Variants in HS6ST3 observed in about 807,000 individuals in gnomAD.
The protein encoded by HS6ST3 is heparan-sulfate 6-O-sulfotransferase 3.
Under a neutral mutation model 36.7 loss-of-function variants are expected in HS6ST3, and 12 were observed. The observed-to-expected ratio is 0.33, with a 90% CI of 0.21 to 0.53. HS6ST3 has a LOEUF of 0.53. Among genes scored for constraint, HS6ST3 ranks in the 20% least tolerant of loss-of-function variants. HS6ST3 has a pLI of 0.95. For missense variants in HS6ST3, 584 were observed against 640.9 expected (o/e 0.91, Z 0.96); for synonymous variants, 240 against 257.5 (o/e 0.93, Z 0.65).
intron 1 of HS6ST3, among the ~76,000 whole-genome samples, chr13:96,097,293 A>T (rs539293): frequency 0.87 from 131,712 of 152,128 alleles, 57,191 homozygotes; most frequent in Non-Finnish European, 0.89. Flanking sequence ...TCTTATATTA[A>T]TATTCCCCAA....
chr13:96,774,850 C>G (rs970667806), intron 1 of HS6ST3, among the ~76,000 whole-genome samples: 4 of 152,108 alleles, frequency 2.6e-5, no homozygotes, highest in African/African-American at 9.7e-5. Context: ...AGATACTCCT[C>G]AAGAAGAGCA....
intron 1 of HS6ST3, among the ~76,000 whole-genome samples, chr13:96,529,881 T>C (rs2056128840): frequency 6.6e-6 from 1 of 152,178 alleles, no homozygotes. Flanking sequence ...ATTTCTCCTC[T>C]CCATTATTCT....
chr13:96,208,272 T>G (rs1033465417), intron 1 of HS6ST3, among the ~76,000 whole-genome samples: 10 of 152,304 alleles, frequency 6.6e-5, no homozygotes, highest in African/African-American at 2.4e-4. Flanking sequence ...AAAATTATTC[T>G]TTTAATGATT....
intron 1 of HS6ST3, among the ~76,000 whole-genome samples, chr13:96,344,258 A>AT (rs5805962): frequency 0.37 from 56,614 of 152,010 alleles, 10,974 homozygotes; most frequent in African/African-American, 0.46. Flanking sequence ...TTGTCTAATT[A>AT]TTCAATAATC....
intron 1 of HS6ST3, among the ~76,000 whole-genome samples, chr13:96,505,459 A>C (rs554320786): frequency 1.3e-5 from 2 of 152,116 alleles, no homozygotes; most frequent in South Asian, 2.1e-4. Context: ...AGTGTTGCCT[A>C]GTTTGTGCCT....
intron 1 of HS6ST3, among the ~76,000 whole-genome samples, chr13:96,378,235 C>T (rs561786398): frequency 2.0e-5 from 3 of 152,278 alleles, no homozygotes; most frequent in South Asian, 2.1e-4. Context: ...GTATCCCCAC[C>T]TTCTTCAGTC....
At chr13:96,377,822 A>G (rs2055322305) in intron 1 of HS6ST3, among the ~76,000 whole-genome samples, 1 of 152,200 alleles carries the variant, frequency 6.6e-6, no homozygotes, top group African/African-American at 2.4e-5. Context: ...TCGGGTATAT[A>G]AAATAACTTG....
intron 1 of HS6ST3, among the ~76,000 whole-genome samples, chr13:96,207,064 G>A (rs975577362): frequency 6.6e-6 from 1 of 151,784 alleles, no homozygotes; most frequent in Non-Finnish European, 1.5e-5. Context: ...ATCCATCTGA[G>A]GTCTAATATC....
At chr13:96,351,673 T>A (rs774880155) in intron 1 of HS6ST3, among the ~76,000 whole-genome samples, 2 of 152,182 alleles carry the variant, frequency 1.3e-5, no homozygotes, top group Non-Finnish European at 2.9e-5. Flanking sequence ...TGATGAATAC[T>A]GATGGTCTAT....
chr13:96,306,549 C>G (rs767896345), intron 1 of HS6ST3, among the ~76,000 whole-genome samples: 5 of 152,072 alleles, frequency 3.3e-5, no homozygotes, highest in Non-Finnish European at 5.9e-5. Flanking sequence ...TTCAGATGGC[C>G]TGTATGAAGG....
chr13:96,364,088 A>G (rs2055251948), intron 1 of HS6ST3, among the ~76,000 whole-genome samples: 1 of 152,186 alleles, frequency 6.6e-6, no homozygotes, highest in African/African-American at 2.4e-5. Context: ...TACTGGAAGC[A>G]CACCCATTTA....
In HS6ST3 at chr13:96,759,423, C is replaced by T. The variant is rs536312960; in HGVS notation, c.708-73067C>T. Among the ~76,000 whole-genome samples, 4 of 151,766 alleles carry T rather than the reference C, an allele frequency of 2.6e-5. No individual in the cohort carries two copies. The East Asian group carries it at 7.7e-4, about 29-fold the overall frequency. ...TTAAAATTTTAGTTTTATCTAATGGCTTTTTATGTATACCTTTTGTGTGTT... is the reference window on the plus strand; with the variant it reads ...TTAAAATTTTAGTTTTATCTAATGGTTTTTTATGTATACCTTTTGTGTGTT... On this transcript the variant is annotated intron_variant, in intron 1 of 1. Transcript: ENST00000376705.
At chr13:96,202,688 T>G (rs1332743136) in intron 1 of HS6ST3, among the ~76,000 whole-genome samples, 1 of 152,154 alleles carries the variant, frequency 6.6e-6, no homozygotes, top group Non-Finnish European at 1.5e-5. Context: ...CTCTCAAGGA[T>G]TTTTCACCTC....
chr13:96,499,598 G>A (rs531176634), intron 1 of HS6ST3, among the ~76,000 whole-genome samples: 5 of 152,072 alleles, frequency 3.3e-5, no homozygotes, highest in East Asian at 1.9e-4. Flanking sequence ...TGAGGAAAGC[G>A]ACATGTGAGG....
intron 1 of HS6ST3, among the ~76,000 whole-genome samples, chr13:96,279,006 A>G (rs1340024547): frequency 6.6e-6 from 1 of 152,200 alleles, no homozygotes; most frequent in African/African-American, 2.4e-5. Context: ...TGGAGGCAGA[A>G]CAATGAGTGA....
intron 1 of HS6ST3, among the ~76,000 whole-genome samples, chr13:96,364,621 G>A (rs1165699203): frequency 6.6e-6 from 1 of 152,192 alleles, no homozygotes; most frequent in Non-Finnish European, 1.5e-5. Flanking sequence ...GGAGCTGAGA[G>A]TGATGGTTTA....
intron 1 of HS6ST3, among the ~76,000 whole-genome samples, chr13:96,437,728 T>C (rs141344101): frequency 4.1e-4 from 62 of 152,344 alleles, no homozygotes; most frequent in African/African-American, 1.4e-3. Flanking sequence ...TTATTCAGTA[T>C]CTTCCTTGCT....
intron 1 of HS6ST3, among the ~76,000 whole-genome samples, chr13:96,146,190 A>G (rs1219794396): frequency 6.6e-6 from 1 of 152,184 alleles, no homozygotes; most frequent in Non-Finnish European, 1.5e-5. Context: ...AATTCTGTTA[A>G]GAAAGTCATT....
chr13:96,775,849 T>C (rs1019083183), intron 1 of HS6ST3, among the ~76,000 whole-genome samples: 2 of 152,126 alleles, frequency 1.3e-5, no homozygotes, highest in African/African-American at 4.8e-5. Flanking sequence ...CTAATAGACA[T>C]TTACAGAACT....
Sources: gnomAD v4.1 joint callset for allele counts (sites outside exome capture counted in the v4.1 genomes callset) on GRCh38, gnomAD v4.1.1 for gene constraint, MANE v1.5 for transcripts, NCBI Gene and HGNC (gene_info 2026-07-23, HGNC 2026-07-21) for gene names.